Variants in LEKR1 observed in about 807,000 individuals in gnomAD.
LEKR1 encodes leucine, glutamate and lysine rich 1, also known as protein LEKR1.
In LEKR1, 59 loss-of-function variants were observed where a neutral mutation model predicts 72.4. The ratio of observed to expected loss-of-function variants is 0.82; its 90% CI spans 0.66 to 1.01. The LOEUF is 1.01. LEKR1 is among the 50% of genes least tolerant of loss of function. The pLI is 0.00. For missense variants in LEKR1, 728 were observed against 759.2 expected, an observed-to-expected ratio of 0.96 and a Z score of 0.48; for synonymous variants, 257 against 263.2, an observed-to-expected ratio of 0.98 and a Z score of 0.23.
intron 12 of LEKR1, 150 bp downstream of exon 12, chr3:157,028,552 A>T: frequency 1.5e-6 from 1 of 681,092 alleles, no homozygotes; most frequent in African/African-American, 1.9e-5. Context: ...CTCTGTCCTT[A>T]ATCACATCCT....
rs552850310 is a variant in LEKR1, at chr3:156,836,740, C to G, written c.48+7363C>G. Among the ~76,000 whole-genome samples the G allele has an allele frequency of 6.6e-5, 10 of 152,188 alleles. No homozygotes were observed. In the South Asian group the frequency reaches 1.7e-3, roughly 25 times the overall value. On this transcript the variant is annotated intron_variant, in intron 2 of 12. Transcript: ENST00000356539. ...ATGTAGAATAGCCCCTGAGGTAGCT[C>G]AGAGAAAAGAAAATTCAAGACAGGA...
rs548066138 is a variant in LEKR1 at position 156,992,123 on chromosome 3, ACT to A, written c.828-525_828-524del. Among the ~76,000 whole-genome samples the A allele has an allele frequency of 7.9e-5, 12 of 151,996 alleles. No homozygotes were observed. The South Asian group carries it at 2.5e-3, about 32-fold the overall frequency. The stretch of plus-strand genomic sequence containing the variant: ...GCAGAATTTATGTGGAGTATTTGGG[ACT>A]CTCTTTCTCCGGCTCTCGCCTCTTC... On this transcript the variant is annotated intron_variant, in intron 7 of 12. Coordinates refer to ENST00000356539, the MANE Select transcript of LEKR1 (RefSeq NM_001004316.3).
At chr3:156,876,294 G>C (rs763000877) in intron 3 of LEKR1, among the ~76,000 whole-genome samples, 1 of 152,068 alleles carries the variant, frequency 6.6e-6, no homozygotes, top group Non-Finnish European at 1.5e-5. Flanking sequence ...TTTTTGCCTA[G>C]ACTGGCTTTA....
chr3:156,895,469 G>T (rs747693989), intron 3 of LEKR1, among the ~76,000 whole-genome samples: 1 of 152,042 alleles, frequency 6.6e-6, no homozygotes, highest in African/African-American at 2.4e-5. Flanking sequence ...ACAAAAATTA[G>T]GCATGGTGGC....
At chr3:156,872,156 C>G (rs1280888173) in intron 3 of LEKR1, among the ~76,000 whole-genome samples, 1 of 151,640 alleles carries the variant, frequency 6.6e-6, no homozygotes, top group African/African-American at 2.4e-5. Flanking sequence ...CCATTTCTTC[C>G]TAATTCAATT....
intron 12 of LEKR1, among the ~76,000 whole-genome samples, chr3:157,035,671 G>A (rs934372713): frequency 3.3e-5 from 5 of 152,144 alleles, no homozygotes; most frequent in Non-Finnish European, 7.3e-5. Context: ...GGCCAAGGCA[G>A]GCAGATCACA....
At chr3:156,929,237 A>G (rs1444032939) in intron 5 of LEKR1, among the ~76,000 whole-genome samples, 1 of 151,682 alleles carries the variant, frequency 6.6e-6, no homozygotes, top group Non-Finnish European at 1.5e-5. Context: ...ATTTCCCACC[A>G]CCCTACAAAA....
chr3:156,987,670 C>G (rs908814010), intron 7 of LEKR1, among the ~76,000 whole-genome samples: 1 of 152,162 alleles, frequency 6.6e-6, no homozygotes, highest in African/African-American at 2.4e-5. Context: ...ATAAAGTCCA[C>G]ATTTCAGTTC....
At chr3:156,971,646 A>G (rs1214274711) in intron 6 of LEKR1, among the ~76,000 whole-genome samples, 1 of 152,116 alleles carries the variant, frequency 6.6e-6, no homozygotes, top group Non-Finnish European at 1.5e-5. Context: ...ATTTACAAGA[A>G]AAAAACAAAC....
Position 156,856,808 on chromosome 3 carries a change from T to C in LEKR1, c.263+3826T>C, listed in dbSNP as rs1439529067. On this transcript the variant is annotated intron_variant, in intron 3 of 12. Coordinates refer to ENST00000356539, the MANE Select transcript of LEKR1 (RefSeq NM_001004316.3). ...TTTTAATTTTCTTGAATATTTGTTA[T>C]ATATGTTTATAACACACACATACCT... Among the ~76,000 whole-genome samples the C allele has an allele frequency of 4.6e-5, 7 of 152,110 alleles. No homozygotes were observed. In the East Asian group the frequency reaches 1.3e-3, roughly 29 times the overall value.
intron 10 of LEKR1, among the ~76,000 whole-genome samples, chr3:157,020,852 A>C (rs1404391810): frequency 2.6e-5 from 4 of 151,972 alleles, no homozygotes; most frequent in African/African-American, 9.7e-5. Context: ...AGGAATCGCC[A>C]CACTGACTTC....
At chr3:156,993,026 T>G (rs1183978536) in intron 8 of LEKR1, 48 bp from the exon 9 acceptor site, 1 of 924,316 alleles carries the variant, frequency 1.1e-6, no homozygotes, top group Non-Finnish European at 1.6e-6. Flanking sequence ...AAATATAAAA[T>G]GTAGTATATA....
intron 12 of LEKR1, among the ~76,000 whole-genome samples, chr3:157,032,145 A>T (rs1339708948): frequency 6.6e-6 from 1 of 152,124 alleles, no homozygotes; most frequent in South Asian, 2.1e-4. Flanking sequence ...AAACCAAGTC[A>T]AAATGGGTCA....
At chr3:156,927,386 C>CTTA (rs1724817695) in intron 4 of LEKR1, 43 bp from the exon 5 acceptor site, 1 of 776,166 alleles carries the variant, frequency 1.3e-6, no homozygotes, top group Non-Finnish European at 1.7e-6. Flanking sequence ...GTTTGTTATG[C>CTTA]TTACTATTTT....
chr3:156,873,508 A>G (rs1278511443), intron 3 of LEKR1, among the ~76,000 whole-genome samples: 1 of 151,812 alleles, frequency 6.6e-6, no homozygotes, highest in Non-Finnish European at 1.5e-5. Context: ...CTTCTTGTTT[A>G]TCACTGCGGT....
intron 6 of LEKR1, among the ~76,000 whole-genome samples, chr3:156,944,374 C>T (rs1317330904): frequency 1.3e-5 from 2 of 151,626 alleles, no homozygotes; most frequent in Non-Finnish European, 3.0e-5. Context: ...AATGAGGTGT[C>T]CTGCCTCAAG....
chr3:157,035,576 A>G (rs866059607), intron 12 of LEKR1, among the ~76,000 whole-genome samples: 1 of 152,276 alleles, frequency 6.6e-6, no homozygotes, highest in African/African-American at 2.4e-5. Flanking sequence ...AAATTGGAAG[A>G]GCCCCTTCTG....
intron 2 of LEKR1, chr3:156,852,317 CAG>C (rs917212314): frequency 2.6e-5 from 4 of 152,206 alleles, no homozygotes; most frequent in African/African-American, 7.2e-5. Context: ...TGAACAGAAA[CAG>C]AATTCATTTG....
chr3:156,923,818 C>T (rs1159028178), intron 4 of LEKR1, among the ~76,000 whole-genome samples: 2 of 151,990 alleles, frequency 1.3e-5, no homozygotes, highest in African/African-American at 4.8e-5. Context: ...ACCTCCGCCT[C>T]CCAGGTTCAC....
Sources: gnomAD v4.1 joint callset for allele counts (sites outside exome capture counted in the v4.1 genomes callset) on GRCh38, gnomAD v4.1.1 for gene constraint, MANE v1.5 for transcripts, NCBI Gene and HGNC (gene_info 2026-07-23, HGNC 2026-07-21) for gene names.